The following MACROD1 variants were observed in gnomAD, a reference collection of about 807,000 sequenced individuals.
MACROD1 encodes ADP-ribose glycohydrolase MACROD1.
Under a neutral mutation model 41.4 loss-of-function variants are expected in MACROD1, and 31 were observed. The observed-to-expected ratio is 0.75, with a 90% CI of 0.56 to 1.01. The LOEUF is 1.01. MACROD1 is among the 50% of genes least tolerant of loss of function. The probability of loss-of-function intolerance (pLI) is 0.00; values close to 1 mark genes in which losing one functional copy is unlikely to be tolerated. For synonymous variants in MACROD1, 252 were observed against 203.4 expected, an observed-to-expected ratio of 1.24 and a Z score of -2.03; for missense variants, 473 against 460.0, an observed-to-expected ratio of 1.03 and a Z score of -0.26.
chr11:64,160,794 C>G (rs1013262590), intron 1 of MACROD1, among the ~76,000 whole-genome samples: 64 of 133,594 alleles, frequency 4.8e-4, no homozygotes, highest in Non-Finnish European at 8.4e-4. Flanking sequence ...CCAGCCTGGG[C>G]AACAGAATGA....
intron 3 of MACROD1, among the ~76,000 whole-genome samples, chr11:64,022,244 C>A (rs1943167310): frequency 6.6e-6 from 1 of 152,068 alleles, no homozygotes; most frequent in Admixed American, 6.5e-5. Context: ...CAGGAGGGGC[C>A]TCCTGGCTAC....
Position 63,999,041 on chromosome 11 carries a change from G to C in MACROD1, c.892-5C>G. 5 of 1,598,702 alleles carry C rather than the reference G, an allele frequency of 3.1e-6. No individual in the cohort carries two copies. The highest frequency in any genetic ancestry group is 4.3e-6 in the Non-Finnish European group (5 of 1,174,076). On this transcript the variant is annotated splice_polypyrimidine_tract_variant and splice_region_variant and intron_variant, in intron 8 of 10. Transcript: ENST00000255681. ...GCAGATGATCAGCCGGTCCACCTGC[G>C]CCAGGGGCTGCTCAGCCTGGGCCGA...
intron 1 of MACROD1, 32 bp from the exon 2 acceptor site, chr11:64,152,425 G>C: frequency 6.4e-7 from 1 of 1,569,318 alleles, no homozygotes; most frequent in East Asian, 2.2e-5. Context: ...TCAGGGTGGG[G>C]GCAGAGGAAC....
intron 3 of MACROD1, among the ~76,000 whole-genome samples, chr11:64,080,825 C>G (rs928151964): frequency 6.6e-6 from 1 of 152,216 alleles, no homozygotes; most frequent in African/African-American, 2.4e-5. Flanking sequence ...TGGGAGAACT[C>G]TTGGGGTGAT....
At position 63,999,052 on chromosome 11, in the gene MACROD1, C is replaced by T. The variant is rs1942768210; in HGVS notation, c.892-16G>A. On this transcript the variant is annotated splice_polypyrimidine_tract_variant and intron_variant, in intron 8 of 10. Coordinates refer to ENST00000255681, the MANE Select transcript of MACROD1 (RefSeq NM_014067.4). The stretch of plus-strand genomic sequence containing the variant: ...GCCGGTCCACCTGCGCCAGGGGCTG[C>T]TCAGCCTGGGCCGAGCTGCCACGCC... 6.3e-7 allele frequency: 1 copy of T among 1,593,032 alleles called. No individual in the cohort carries two copies. Among genetic ancestry groups the T allele is most frequent in the Non-Finnish European group, 8.5e-7 (1 of 1,171,542 alleles).
At chr11:64,165,669 C>T in intron 1 of MACROD1, 28 bp downstream of exon 1, 10 of 1,379,888 alleles carry the variant, frequency 7.2e-6, no homozygotes, top group African/African-American at 1.5e-5. Flanking sequence ...CCGCCCTCTC[C>T]CTCGCGCCCC....
At chr11:64,148,481 G>A (rs1590968914) in intron 3 of MACROD1, among the ~76,000 whole-genome samples, 1 of 152,304 alleles carries the variant, frequency 6.6e-6, no homozygotes, top group Non-Finnish European at 1.5e-5. Flanking sequence ...GGCCACTGAC[G>A]CCCGCGGGGC....
intron 4 of MACROD1, among the ~76,000 whole-genome samples, chr11:64,014,096 G>C (rs1173701400): frequency 6.6e-6 from 1 of 152,144 alleles, no homozygotes; most frequent in Non-Finnish European, 1.5e-5. Flanking sequence ...ACCTGTCCTG[G>C]CACCCAGCTC....
chr11:64,117,262 G>A, intron 3 of MACROD1: 1 of 1,614,204 alleles, frequency 6.2e-7, no homozygotes, highest in Non-Finnish European at 8.5e-7. Flanking sequence ...CCTTGGTTTT[G>A]TGGCTGCAAC....
intron 3 of MACROD1, among the ~76,000 whole-genome samples, chr11:64,049,240 C>A (rs1021986633): frequency 6.6e-6 from 1 of 152,150 alleles, no homozygotes; most frequent in African/African-American, 2.4e-5. Context: ...TTTGTTAACA[C>A]CCCATTGTGT....
At chr11:64,010,152 GAA>G (rs1942981278) in intron 4 of MACROD1, among the ~76,000 whole-genome samples, 2 of 150,176 alleles carry the variant, frequency 1.3e-5, no homozygotes, top group African/African-American at 2.4e-5. Context: ...GGTGTTGGTT[GAA>G]GTGTTGCCTG....
At chr11:64,007,672 T>A (rs957243708) in intron 4 of MACROD1, among the ~76,000 whole-genome samples, 1 of 152,190 alleles carries the variant, frequency 6.6e-6, no homozygotes, top group Non-Finnish European at 1.5e-5. Flanking sequence ...TTCCCTCTTC[T>A]GGACACGCCC....
chr11:64,165,734 C>A lies in MACROD1; in HGVS notation c.261G>T (p.Val87=). The part of the protein sequence containing the change: ...TWAPLAMAAK[V]DLSTSTDWKE... ...TCCAGTCGGTGGAGGTGCTCAGGTC[C>A]ACCTTCGCCGCCATGGCCAGGGGGG... is the stretch of plus-strand genomic sequence containing the variant. Residue 87 remains valine, a synonymous_variant, in exon 1 of 11, where the codon GTG becomes GTT. Transcript: ENST00000255681. The A allele has an allele frequency of 6.7e-7, 1 of 1,496,094 alleles. No homozygotes were observed. The highest frequency in any genetic ancestry group is 1.3e-5 in the South Asian group (1 of 75,664). The allele number at this position is 1,496,094 out of a possible 1,614,324, so 92.7% of individuals were successfully genotyped here.
At chr11:64,049,897 C>A (rs1445958693) in intron 3 of MACROD1, among the ~76,000 whole-genome samples, 1 of 152,234 alleles carries the variant, frequency 6.6e-6, no homozygotes, top group Non-Finnish European at 1.5e-5. Context: ...AAGGCTGTGT[C>A]CCAGACCAAG....
intron 3 of MACROD1, among the ~76,000 whole-genome samples, chr11:64,026,018 T>C (rs1372303292): frequency 1.3e-5 from 2 of 152,052 alleles, no homozygotes; most frequent in African/African-American, 4.8e-5. Flanking sequence ...CCGTCTCTAC[T>C]AAAAATATAA....
At chr11:64,153,058 T>A (rs943558064) in intron 1 of MACROD1, among the ~76,000 whole-genome samples, 7 of 148,818 alleles carry the variant, frequency 4.7e-5, no homozygotes, top group African/African-American at 1.7e-4. Context: ...GGGACTTGAG[T>A]GAGGAGCCAG....
intron 3 of MACROD1, among the ~76,000 whole-genome samples, chr11:64,125,552 C>T (rs965971126): frequency 2.0e-5 from 3 of 152,234 alleles, no homozygotes; most frequent in African/African-American, 7.2e-5. Flanking sequence ...AGGCTTCTCT[C>T]GTCCTGCTCC....
intron 3 of MACROD1, among the ~76,000 whole-genome samples, chr11:64,094,637 A>T (rs1324771627): frequency 6.6e-6 from 1 of 151,996 alleles, no homozygotes; most frequent in African/African-American, 2.4e-5. Context: ...CATGGGGCAG[A>T]CTCCGGAGGC....
At chr11:64,089,462 T>C (rs2134517410) in intron 3 of MACROD1, among the ~76,000 whole-genome samples, 1 of 152,240 alleles carries the variant, frequency 6.6e-6, no homozygotes, top group African/African-American at 2.4e-5. Context: ...AGGGGTGGGA[T>C]TCAACACAGG....
Sources: gnomAD v4.1 joint callset for allele counts (sites outside exome capture counted in the v4.1 genomes callset) on GRCh38, gnomAD v4.1.1 for gene constraint, MANE v1.5 for transcripts, NCBI Gene and HGNC (gene_info 2026-07-23, HGNC 2026-07-21) for gene names.